The following MPDZ variants were observed in gnomAD, a reference collection of about 807,000 sequenced individuals.
MPDZ encodes multiple PDZ domain crumbs cell polarity complex component, also known as multiple PDZ domain protein.
A neutral mutation model predicts 239.1 loss-of-function variants in MPDZ; 234 were observed. That is an observed-to-expected ratio of 0.98 (90% CI 0.88 to 1.09). The LOEUF (loss-of-function observed/expected upper bound fraction) is 1.09. Among genes scored for constraint, MPDZ ranks in the 50% least tolerant of loss-of-function variants. The probability of loss-of-function intolerance (pLI) is 0.00; values close to 1 mark genes in which losing one functional copy is unlikely to be tolerated. For missense variants in MPDZ, 3,175 were observed against 2,510.0 expected (o/e 1.26, Z -5.66); for synonymous variants, 1,048 against 881.3 (o/e 1.19, Z -3.35).
intron 1 of MPDZ, among the ~76,000 whole-genome samples, chr9:13,265,095 C>T (rs1034175054): frequency 7.9e-5 from 12 of 152,180 alleles, no homozygotes; most frequent in Non-Finnish European, 1.8e-4. Context: ...CTCACTGTAG[C>T]CACATTATTT....
At chr9:13,152,334 C>T (rs765340007) in intron 24 of MPDZ, among the ~76,000 whole-genome samples, 10 of 152,264 alleles carry the variant, frequency 6.6e-5, no homozygotes, top group Non-Finnish European at 1.2e-4. Context: ...TCAATTTAAA[C>T]TGTAGCTCCC....
intron 32 of MPDZ, among the ~76,000 whole-genome samples, chr9:13,129,288 C>T (rs1029303683): frequency 6.6e-6 from 1 of 151,880 alleles, no homozygotes; most frequent in Non-Finnish European, 1.5e-5. Flanking sequence ...CATGGCGAAA[C>T]CCCATCTCTA....
chr9:13,190,837 T>C (rs561612453), intron 15 of MPDZ, among the ~76,000 whole-genome samples: 1 of 152,292 alleles, frequency 6.6e-6, no homozygotes, highest in African/African-American at 2.4e-5. Context: ...TTGAAGCAGC[T>C]TGAATATTTA....
Position 13,127,776 on chromosome 9 carries a change from C to T in MPDZ, c.4465-1004G>A, listed in dbSNP as rs916212700. Among the ~76,000 whole-genome samples, 21 of 152,176 alleles carry T rather than the reference C, an allele frequency of 1.4e-4. 1 individual carries two copies. Among genetic ancestry groups the T allele is most frequent in the Admixed American group, 1.4e-3 (21 of 15,280 alleles). On this transcript the variant is annotated intron_variant, in intron 32 of 46. Coordinates refer to ENST00000319217, the MANE Select transcript of MPDZ (RefSeq NM_001378778.1). ...TACCACCTCTCTCTTTCCAGGCAAT[C>T]AGTCATGTCTATCTGCCAGAGTAAG...
chr9:13,130,752 T>G lies in MPDZ; in HGVS notation c.4464+3072A>C, dbSNP rs1173161838. ...GTTAAAAGAAATCAGAAAGACCAAG[T>G]GATATAAACCAAGGCAAAGAGGGAT... On this transcript the variant is annotated intron_variant, in intron 32 of 46. Transcript: ENST00000319217. 2.0e-5 allele frequency among the ~76,000 whole-genome samples: 3 copies of G among 152,216 alleles called. No individual in the cohort carries two copies. In the East Asian group the frequency reaches 5.8e-4, roughly 29 times the overall value.
chr9:13,261,448 T>C (rs954333208), intron 1 of MPDZ, among the ~76,000 whole-genome samples: 4 of 151,920 alleles, frequency 2.6e-5, no homozygotes, highest in African/African-American at 9.7e-5. Context: ...ACCATATCAT[T>C]ACATCCAAAA....
chr9:13,268,574 C>T (rs1359021498), intron 1 of MPDZ, among the ~76,000 whole-genome samples: 3 of 151,898 alleles, frequency 2.0e-5, no homozygotes, highest in Admixed American at 6.6e-5. Flanking sequence ...GGTAAAGTTC[C>T]GAGTACAGAG....
In MPDZ at chr9:13,219,763, C is replaced by A. The variant is rs376710130; in HGVS notation, c.882G>T (p.Gly294=). The change falls in exon 8 of 47, where the codon GGG becomes GGT. Residue 294 remains glycine (G), a synonymous_variant. Transcript: ENST00000319217. ...ILPGGVADQH[G]RLCSGDHILK... is the part of the protein sequence containing the mutation. ...GAATGTGGTCTCCACTGCATAAACGCCCATGCTGAGTAAAACAATATTGAA... is the reference window on the plus strand; with the variant it reads ...GAATGTGGTCTCCACTGCATAAACGACCATGCTGAGTAAAACAATATTGAA... 6.2e-7 allele frequency: 1 copy of A among 1,612,134 alleles called. No homozygotes were observed. The highest frequency in any genetic ancestry group is 8.5e-7 in the Non-Finnish European group (1 of 1,178,852).
rs879589439 is a variant in MPDZ, at chr9:13,246,742, T to C, written c.183+893A>G. ...CTGGAGCTGTTCTTTCACTCAATTA[T>C]GAAACTAATCTTCAAGTTTCATTTT... is the stretch of plus-strand genomic sequence containing the variant. On this transcript the variant is annotated intron_variant, in intron 3 of 46. Transcript: ENST00000319217. Among the ~76,000 whole-genome samples the C allele has an allele frequency of 1.7e-4, 26 of 152,228 alleles. 1 individual carries two copies. Among genetic ancestry groups the C allele is most frequent in the Admixed American group, 1.6e-3 (24 of 15,282 alleles).
At chr9:13,198,733 CTCTCTG>C (rs1268944205) in intron 12 of MPDZ, among the ~76,000 whole-genome samples, 1,534 of 89,504 alleles carry the variant, frequency 0.017, 28 homozygotes, top group Admixed American at 0.028. Flanking sequence ...TTTAATCTCT[CTCTCTG>C]TGTGTGTGTG....
At chr9:13,223,484 C>T in intron 5 of MPDZ, 87 bp downstream of exon 5, 1 of 1,412,732 alleles carries the variant, frequency 7.1e-7, no homozygotes, top group Non-Finnish European at 9.4e-7. Flanking sequence ...TGTTGCCATT[C>T]ATTATTATTT....
At chr9:13,148,168 C>T (rs965693249) in intron 25 of MPDZ, among the ~76,000 whole-genome samples, 1 of 151,934 alleles carries the variant, frequency 6.6e-6, no homozygotes, top group African/African-American at 2.4e-5. Context: ...GTTAGTTTTG[C>T]AAAAGAATCC....
chr9:13,225,058 C>T (rs1317007117), intron 3 of MPDZ, among the ~76,000 whole-genome samples: 2 of 152,050 alleles, frequency 1.3e-5, no homozygotes, highest in African/African-American at 4.8e-5. Flanking sequence ...GGCAATCAAT[C>T]ACACCTATGA....
chr9:13,208,954 A>G (rs1957308498), intron 10 of MPDZ, among the ~76,000 whole-genome samples: 2 of 152,148 alleles, frequency 1.3e-5, no homozygotes, highest in African/African-American at 2.4e-5. Context: ...AAACACTGCA[A>G]CAAAACTGGA....
chr9:13,234,724 G>C (rs1347893670), intron 3 of MPDZ, among the ~76,000 whole-genome samples: 2 of 151,874 alleles, frequency 1.3e-5, no homozygotes, highest in Non-Finnish European at 2.9e-5. Flanking sequence ...CATATTTTTT[G>C]TTTATTTGCT....
At chr9:13,177,737 T>C (rs2134243333) in intron 19 of MPDZ, among the ~76,000 whole-genome samples, 1 of 152,242 alleles carries the variant, frequency 6.6e-6, no homozygotes, top group East Asian at 1.9e-4. Flanking sequence ...CTTGGACAAG[T>C]TACTTAAACA....
intron 18 of MPDZ, among the ~76,000 whole-genome samples, chr9:13,184,659 T>C (rs758706376): frequency 1.7e-4 from 26 of 151,982 alleles, no homozygotes; most frequent in Non-Finnish European, 1.5e-5. Context: ...ACAATCTAGA[T>C]AGACACTATT....
At chr9:13,120,817 A>G (rs904431761) in intron 38 of MPDZ, among the ~76,000 whole-genome samples, 7 of 152,184 alleles carry the variant, frequency 4.6e-5, no homozygotes, top group Non-Finnish European at 8.8e-5. Flanking sequence ...GACTCACTGG[A>G]AAAAATAAGC....
chr9:13,256,667 T>C (rs904499101), intron 1 of MPDZ, among the ~76,000 whole-genome samples: 1 of 152,176 alleles, frequency 6.6e-6, no homozygotes, highest in Non-Finnish European at 1.5e-5. Flanking sequence ...AGGTTCACCA[T>C]CTTAAATGTG....
Sources: gnomAD v4.1 joint callset for allele counts (sites outside exome capture counted in the v4.1 genomes callset) on GRCh38, gnomAD v4.1.1 for gene constraint, MANE v1.5 for transcripts, NCBI Gene and HGNC (gene_info 2026-07-23, HGNC 2026-07-21) for gene names.